Variants in KIF20B observed in about 807,000 individuals in gnomAD.
KIF20B encodes kinesin-like protein KIF20B.
Under a neutral mutation model 232.5 loss-of-function variants are expected in KIF20B, and 188 were observed. That is an observed-to-expected ratio of 0.81 (90% CI 0.72 to 0.91). KIF20B has a LOEUF of 0.91. Among genes scored for constraint, KIF20B ranks in the 40% least tolerant of loss-of-function variants. The probability of loss-of-function intolerance (pLI) is 0.00; values close to 1 mark genes in which losing one functional copy is unlikely to be tolerated. For synonymous variants in KIF20B, 712 were observed against 683.0 expected (o/e 1.04, Z -0.66); for missense variants, 2,154 against 2,055.9 (o/e 1.05, Z -0.92).
chr10:89,747,123 A>G (rs1349849466), intron 23 of KIF20B, among the ~76,000 whole-genome samples: 1 of 151,928 alleles, frequency 6.6e-6, no homozygotes, highest in Non-Finnish European at 1.5e-5. Flanking sequence ...CAGCCAAAAA[A>G]CACATGAAAA....
At chr10:89,772,607 A>C in intron 31 of KIF20B, 82 bp from the exon 32 acceptor site, 1 of 862,900 alleles carries the variant, frequency 1.2e-6, no homozygotes, top group Non-Finnish European at 1.7e-6. Context: ...TAAGGATTTC[A>C]AACCATCTTT....
intron 19 of KIF20B, 60 bp downstream of exon 19, chr10:89,733,116 AG>A: frequency 6.4e-7 from 1 of 1,566,048 alleles, no homozygotes; most frequent in Non-Finnish European, 8.8e-7. Context: ...ACCAGTAAAT[AG>A]AACAAGGCAA....
chr10:89,751,671 A>C (rs796247970), intron 24 of KIF20B, among the ~76,000 whole-genome samples, 200 bp downstream of exon 24: 3 of 152,224 alleles, frequency 2.0e-5, no homozygotes, highest in African/African-American at 7.2e-5. Context: ...GCAGTAAAGG[A>C]GTAAGGACAC....
At position 89,772,812 on chromosome 10, in the gene KIF20B, T is replaced by C. The variant is rs954123145; in HGVS notation, c.5366T>C (p.Ile1789Thr). ...TACACAAGTGAAATTTCATCTCCTA[T>C]TGATATATCAGGCCAAGTGGTAAGC... ...KLYTSEISSP[I>T]DISGQVILMD... The change falls in exon 32 of 33, where the codon ATT (isoleucine) becomes ACT (threonine). Residue 1789 changes from isoleucine to threonine, a missense_variant. Physicochemically the swap from Ile to Thr is moderately conservative, Grantham distance 89. Transcript: ENST00000371728. The C allele has an allele frequency of 6.2e-7, 1 of 1,608,996 alleles. No homozygotes were observed. The highest frequency in any genetic ancestry group is 1.7e-5 in the Admixed American group (1 of 59,328).
intron 31 of KIF20B, among the ~76,000 whole-genome samples, chr10:89,771,695 C>T (rs535809260): frequency 2.0e-5 from 3 of 151,934 alleles, no homozygotes; most frequent in South Asian, 2.1e-4. Context: ...CACTGTAACT[C>T]GGTACTTTTC....
chr10:89,768,959 A>G lies in KIF20B; in HGVS notation c.5242+71A>G. 7 of 1,261,192 alleles carry G rather than the reference A, an allele frequency of 5.6e-6. No homozygotes were observed. The South Asian group carries it at 5.8e-5, about 11-fold the overall frequency. 78.1% of individuals were successfully genotyped at this position (1,261,192 alleles called of 1,614,324 possible). A position where few individuals can be genotyped will look rare whatever the true frequency, so the allele number is the denominator to read the frequency against. On this transcript the variant is annotated intron_variant, in intron 31 of 32. Transcript: ENST00000371728. ...GTATATTTTAATACCTAATTGATAT[A>G]TAAACTCAACAGCTGTTCAGGGAAT...
At chr10:89,715,252 C>A in intron 8 of KIF20B, 70 bp downstream of exon 8, 3 of 922,840 alleles carry the variant, frequency 3.3e-6, no homozygotes, top group Admixed American at 2.6e-5. Flanking sequence ...AGCTGTAAGA[C>A]TAAAACAAAT....
At chr10:89,748,566 G>T (rs1319655412) in intron 23 of KIF20B, among the ~76,000 whole-genome samples, 1 of 152,120 alleles carries the variant, frequency 6.6e-6, no homozygotes, top group South Asian at 2.1e-4. Flanking sequence ...ACTTGGATGG[G>T]TAACTTGGAT....
In KIF20B at chr10:89,738,279, G is replaced by C; in HGVS notation, c.3438G>C (p.Lys1146Asn). The change falls in exon 20 of 33, where the codon AAG becomes AAC. Residue 1146 changes from lysine (K) to asparagine (N), a missense_variant. Transcript: ENST00000371728. ...DVQIQHVVEG[K>N]RALSELTQGV... ...AAATACAGCATGTAGTTGAAGGAAAGAGAGCGCTTTCAGAACTTACACAAG... is the reference window on the plus strand; with the variant it reads ...AAATACAGCATGTAGTTGAAGGAAACAGAGCGCTTTCAGAACTTACACAAG... 6.2e-7 allele frequency: 1 copy of C among 1,610,944 alleles called. No homozygotes were observed.
At chr10:89,736,741 C>T (rs1347502584) in intron 19 of KIF20B, among the ~76,000 whole-genome samples, 4 of 152,048 alleles carry the variant, frequency 2.6e-5, no homozygotes, top group African/African-American at 9.7e-5. Flanking sequence ...TGCACAGTGT[C>T]GTCAACCCAT....
At chr10:89,718,995 A>T (rs1208233858) in intron 12 of KIF20B, 123 bp downstream of exon 12, 7 of 637,482 alleles carry the variant, frequency 1.1e-5, no homozygotes, top group Non-Finnish European at 1.7e-5. Context: ...GTAAATATTT[A>T]ACCAAGTAGG....
intron 32 of KIF20B, among the ~76,000 whole-genome samples, chr10:89,773,715 G>T (rs966919567): frequency 6.6e-6 from 1 of 151,954 alleles, no homozygotes; most frequent in Non-Finnish European, 1.5e-5. Context: ...ATTATTTTAA[G>T]TTATATCTGC....
Position 89,719,646 on chromosome 10 carries a change from T to C in KIF20B, c.1662T>C (p.Asp554=). Residue 554 remains aspartate (D), a synonymous_variant, in exon 13 of 33, where the codon GAT becomes GAC. Coordinates refer to ENST00000371728, the MANE Select transcript of KIF20B (RefSeq NM_001284259.2). ...ETQNVETKLL[D]EDLDKTLEEN... Reference sequence around the variant, plus strand: ...AAAATGTGGAAACTAAACTTCTTGATGAAGATCTAGATAAAACATTAGAGG... The same window carrying C: ...AAAATGTGGAAACTAAACTTCTTGACGAAGATCTAGATAAAACATTAGAGG... 1 of 1,612,946 alleles carries C rather than the reference T, an allele frequency of 6.2e-7. No homozygotes were observed. Among genetic ancestry groups the C allele is most frequent in the Non-Finnish European group, 8.5e-7 (1 of 1,179,346 alleles).
At chr10:89,713,922 C>A (rs1007341245) in intron 6 of KIF20B, 125 bp from the exon 7 acceptor site, 2 of 390,108 alleles carry the variant, frequency 5.1e-6, no homozygotes, top group Admixed American at 4.5e-5. Flanking sequence ...TTAAAGAATT[C>A]ATTGAATTGA....
At position 89,709,177 on chromosome 10, in the gene KIF20B, T is replaced by G; in HGVS notation, c.158T>G (p.Phe53Cys). Residue 53 changes from phenylalanine to cysteine, a missense_variant, in exon 3 of 33, where the codon TTC (phenylalanine) becomes TGC (cysteine). Coordinates refer to ENST00000371728, the MANE Select transcript of KIF20B (RefSeq NM_001284259.2). ...LVAPNTEANS[F>C]ESKDYLQVCL... is the part of the protein sequence containing the mutation. ...CCTTTATTTTTTAAGGCAAACAGTT[T>G]CGAATCTAAAGATTATCTCCAGGTT... 1 of 1,604,992 alleles carries G rather than the reference T, an allele frequency of 6.2e-7. No homozygotes were observed. Among genetic ancestry groups the G allele is most frequent in the African/African-American group, 1.3e-5 (1 of 74,870 alleles).
At chr10:89,712,676 AAATATGT>A (rs1394311268) in intron 6 of KIF20B, among the ~76,000 whole-genome samples, 4 of 152,202 alleles carry the variant, frequency 2.6e-5, no homozygotes, top group African/African-American at 9.7e-5. Context: ...GACAATAAAT[AAATATGT>A]AATATACTGT....
At chr10:89,729,709 T>TA in intron 18 of KIF20B, among the ~76,000 whole-genome samples, 1 of 152,238 alleles carries the variant, frequency 6.6e-6, no homozygotes, top group Non-Finnish European at 1.5e-5. Flanking sequence ...ATATTTTTTC[T>TA]AAAAAGTTAT....
Position 89,719,642 on chromosome 10 carries a change from TTGA to T in KIF20B, c.1662_1664del (p.Asp554del). 1 of 1,612,992 alleles carries T rather than the reference TTGA, an allele frequency of 6.2e-7. No homozygotes were observed. The highest frequency in any genetic ancestry group is 8.5e-7 in the Non-Finnish European group (1 of 1,179,370). ...ACTCAAAATGTGGAAACTAAACTTC[TTGA>T]TGAAGATCTAGATAAAACATTAGAG... On this transcript the variant is annotated inframe_deletion, in exon 13 of 33. Transcript: ENST00000371728.
intron 2 of KIF20B, 53 bp downstream of exon 2, chr10:89,705,494 G>A: frequency 6.5e-7 from 1 of 1,543,510 alleles, no homozygotes; most frequent in Non-Finnish European, 8.8e-7. Context: ...CTAATGCAAG[G>A]GTTGGCAAAC....
Sources: gnomAD v4.1 joint callset for allele counts (sites outside exome capture counted in the v4.1 genomes callset) on GRCh38, gnomAD v4.1.1 for gene constraint, MANE v1.5 for transcripts, NCBI Gene and HGNC (gene_info 2026-07-23, HGNC 2026-07-21) for gene names.